EPHA5: variants seen among roughly 807,000 people sequenced by gnomAD.
EPHA5 encodes EPH receptor A5.
A neutral mutation model predicts 105.0 loss-of-function variants in EPHA5; 60 were observed. That is an observed-to-expected ratio of 0.57 (90% confidence interval 0.46 to 0.71). The LOEUF is 0.71. Among genes scored for constraint, EPHA5 ranks in the 30% least tolerant of loss-of-function variants. The probability of loss-of-function intolerance (pLI) is 0.00; values close to 1 mark genes in which losing one functional copy is unlikely to be tolerated. For synonymous variants in EPHA5, 513 were observed against 449.1 expected (o/e 1.14, Z -1.80); for missense variants, 1,218 against 1,274.7 (o/e 0.96, Z 0.68).
At chr4:65,403,751 A>C (rs1200795301) in intron 8 of EPHA5, among the ~76,000 whole-genome samples, 1 of 152,110 alleles carries the variant, frequency 6.6e-6, no homozygotes, top group Non-Finnish European at 1.5e-5. Context: ...AAATGTAGAT[A>C]TGTAATATAT....
At chr4:65,408,667 G>A (rs905384930) in intron 7 of EPHA5, among the ~76,000 whole-genome samples, 4 of 151,934 alleles carry the variant, frequency 2.6e-5, no homozygotes, top group Admixed American at 6.6e-5. Flanking sequence ...TTAGAATGGT[G>A]ATCATTAAAA....
chr4:65,408,194 G>A (rs1722555830), intron 7 of EPHA5, among the ~76,000 whole-genome samples: 3 of 152,012 alleles, frequency 2.0e-5, no homozygotes, highest in African/African-American at 4.8e-5. Context: ...ACAGGGTACT[G>A]TCAATGCCTT....
intron 5 of EPHA5, among the ~76,000 whole-genome samples, chr4:65,436,196 C>T (rs937920477): frequency 2.0e-5 from 3 of 151,894 alleles, no homozygotes; most frequent in South Asian, 2.1e-4. Flanking sequence ...CAGAGTTGTT[C>T]TGATAAAATA....
chr4:65,522,019 C>A (rs1385896201), intron 3 of EPHA5, among the ~76,000 whole-genome samples: 2 of 151,810 alleles, frequency 1.3e-5, no homozygotes, highest in Non-Finnish European at 2.9e-5. Flanking sequence ...TCTAAAAATT[C>A]TTTATAGTTA....
chr4:65,348,411 G>A (rs1722425917), intron 13 of EPHA5, among the ~76,000 whole-genome samples: 1 of 151,598 alleles, frequency 6.6e-6, no homozygotes, highest in Admixed American at 6.6e-5. Context: ...TAAATTCTGT[G>A]TGACTACTGA....
Position 65,417,274 on chromosome 4 carries a change from C to A in EPHA5, c.1528-2831G>T, listed in dbSNP as rs372433383. Among the ~76,000 whole-genome samples the A allele has an allele frequency of 9.8e-5, 15 of 152,310 alleles. No homozygotes were observed. In the South Asian group the frequency reaches 2.9e-3, roughly 29 times the overall value. On this transcript the variant is annotated intron_variant, in intron 6 of 16. Coordinates refer to ENST00000613740, the MANE Select transcript of EPHA5 (RefSeq NM_001281766.3). ...GGAAAGCTCTGCCACCTGTGTCTGG[C>A]CAAAAGCCATCCAATAAATGGTGGT...
intron 8 of EPHA5, among the ~76,000 whole-genome samples, chr4:65,374,641 C>A (rs1356650401): frequency 1.3e-5 from 2 of 151,852 alleles, no homozygotes; most frequent in Admixed American, 6.6e-5. Flanking sequence ...AGAGTTAATG[C>A]ATTTACAATG....
At chr4:65,644,263 T>A (rs1378458894) in intron 1 of EPHA5, among the ~76,000 whole-genome samples, 1 of 151,764 alleles carries the variant, frequency 6.6e-6, no homozygotes, top group African/African-American at 2.4e-5. Flanking sequence ...ATACATATGG[T>A]GTTACATACT....
At chr4:65,547,612 A>C (rs1166736229) in intron 3 of EPHA5, among the ~76,000 whole-genome samples, 1 of 152,098 alleles carries the variant, frequency 6.6e-6, no homozygotes, top group Non-Finnish European at 1.5e-5. Context: ...AATTCAGGCT[A>C]ATTTTTCCTC....
chr4:65,439,432 A>G (rs10003638), intron 5 of EPHA5, among the ~76,000 whole-genome samples: 3 of 142,600 alleles, frequency 2.1e-5, no homozygotes, highest in Admixed American at 7.3e-5. Flanking sequence ...CTCCACCCCC[A>G]CACCACCCCC....
chr4:65,517,774 C>A (rs1342297968), intron 3 of EPHA5, among the ~76,000 whole-genome samples: 1 of 151,832 alleles, frequency 6.6e-6, no homozygotes, highest in Admixed American at 6.6e-5. Context: ...CAAGTTGAAT[C>A]TATAATTTTG....
In EPHA5 at chr4:65,443,904, C is replaced by CGTGT. The variant is rs746248523; in HGVS notation, c.1403-23340_1403-23339insACAC. Among the ~76,000 whole-genome samples, 62 of 85,220 alleles carry CGTGT rather than the reference C, an allele frequency of 7.3e-4. No individual in the cohort carries two copies. The Middle Eastern group carries it at 0.018, about 24-fold the overall frequency. 55.9% of individuals were successfully genotyped at this position (85,220 alleles called of 152,430 possible). The stretch of plus-strand genomic sequence containing the variant: ...GTTTCTACTTGCAGATGTTTGTGTG[C>CGTGT]CTGTGTGTGTGTGTGTGTGTGTGTG... On this transcript the variant is annotated intron_variant, in intron 5 of 16. Coordinates refer to ENST00000613740, the MANE Select transcript of EPHA5 (RefSeq NM_001281766.3).
intron 2 of EPHA5, among the ~76,000 whole-genome samples, chr4:65,606,723 G>T (rs1331229898): frequency 6.6e-6 from 1 of 152,082 alleles, no homozygotes; most frequent in Non-Finnish European, 1.5e-5. Flanking sequence ...TCACTCAGTA[G>T]TCTTCTTCAC....
At chr4:65,402,044 G>C (rs911454020) in intron 8 of EPHA5, among the ~76,000 whole-genome samples, 1 of 152,072 alleles carries the variant, frequency 6.6e-6, no homozygotes, top group Non-Finnish European at 1.5e-5. Flanking sequence ...GAGGTAATTG[G>C]ATCATGCGAG....
chr4:65,378,825 T>C (rs10019169), intron 8 of EPHA5, among the ~76,000 whole-genome samples: 1 of 151,836 alleles, frequency 6.6e-6, no homozygotes, highest in African/African-American at 2.4e-5. Context: ...AACACAATGA[T>C]TGACACTTGT....
At chr4:65,553,008 T>A (rs1387539933) in intron 3 of EPHA5, among the ~76,000 whole-genome samples, 1 of 152,048 alleles carries the variant, frequency 6.6e-6, no homozygotes, top group Non-Finnish European at 1.5e-5. Flanking sequence ...TTGGGGGCAT[T>A]TATCCATTTT....
chr4:65,493,210 C>T (rs1009843663), intron 4 of EPHA5, among the ~76,000 whole-genome samples: 6 of 151,954 alleles, frequency 3.9e-5, no homozygotes, highest in African/African-American at 1.5e-4. Flanking sequence ...CACGCACCTA[C>T]AAAAAACATA....
At chr4:65,433,369 A>T in intron 5 of EPHA5, among the ~76,000 whole-genome samples, 1 of 152,204 alleles carries the variant, frequency 6.6e-6, no homozygotes, top group East Asian at 1.9e-4. Flanking sequence ...AGTGAAACAA[A>T]GTTGTAAGAC....
At chr4:65,507,458 A>G (rs1733158069) in intron 3 of EPHA5, among the ~76,000 whole-genome samples, 1 of 152,162 alleles carries the variant, frequency 6.6e-6, no homozygotes, top group Non-Finnish European at 1.5e-5. Flanking sequence ...TACCTTGGGC[A>G]GTATGGCCAT....
Sources: gnomAD v4.1 joint callset for allele counts (sites outside exome capture counted in the v4.1 genomes callset) on GRCh38, gnomAD v4.1.1 for gene constraint, MANE v1.5 for transcripts, NCBI Gene and HGNC (gene_info 2026-07-23, HGNC 2026-07-21) for gene names.